Variants in MAF observed in about 807,000 individuals in gnomAD.
MAF encodes transcription factor Maf.
In MAF, 10 loss-of-function variants were observed where a neutral mutation model predicts 22.0. That is an observed-to-expected ratio of 0.45 (90% CI 0.28 to 0.77). The LOEUF (loss-of-function observed/expected upper bound fraction) is 0.77. Ranked by LOEUF, MAF falls within the 30% of genes least tolerant of loss-of-function variation. The pLI, the probability that MAF is intolerant of heterozygous loss-of-function variation, is 0.12. For synonymous variants in MAF, 337 were observed against 255.8 expected, an observed-to-expected ratio of 1.32 and a Z score of -3.03; for missense variants, 544 against 548.4, an observed-to-expected ratio of 0.99 and a Z score of 0.08.
the MAF span, among the ~76,000 whole-genome samples, chr16:79,340,047 G>A: frequency 3.3e-5 from 5 of 152,198 alleles, no homozygotes; most frequent in Admixed American, 6.5e-5. Context: ...TGGAAATCCA[G>A]TCTGTGTCAC....
chr16:79,216,246 C>G, the MAF span, among the ~76,000 whole-genome samples: 1 of 152,080 alleles, frequency 6.6e-6, no homozygotes, highest in African/African-American at 2.4e-5. Context: ...TGTATATGTA[C>G]ATGTATGCAT....
the MAF span, among the ~76,000 whole-genome samples, chr16:79,341,111 G>C: frequency 1.3e-5 from 2 of 152,216 alleles, no homozygotes; most frequent in South Asian, 2.1e-4. Flanking sequence ...GCAGAGTGTA[G>C]GGGCAGGTGT....
the MAF span, among the ~76,000 whole-genome samples, chr16:79,358,531 G>T: frequency 6.6e-6 from 1 of 152,198 alleles, no homozygotes; most frequent in Admixed American, 6.5e-5. Context: ...GGGCAGGGTA[G>T]ATAGAGGAGC....
the MAF span, among the ~76,000 whole-genome samples, chr16:79,531,115 T>C: frequency 5.3e-4 from 81 of 152,364 alleles, no homozygotes; most frequent in Middle Eastern, 3.4e-3. Context: ...ACTTTCTAGA[T>C]GAAAATCAGG....
At chr16:79,219,747 T>A in the MAF span, among the ~76,000 whole-genome samples, 1 of 152,088 alleles carries the variant, frequency 6.6e-6, no homozygotes, top group African/African-American at 2.4e-5. Context: ...GTCTGTGATC[T>A]CCTGTACCTC....
At chr16:79,493,427 A>G in the MAF span, among the ~76,000 whole-genome samples, 1 of 151,614 alleles carries the variant, frequency 6.6e-6, no homozygotes, top group Non-Finnish European at 1.5e-5. Context: ...TGATCCACCC[A>G]CCTCAGCATC....
the MAF span, among the ~76,000 whole-genome samples, chr16:79,358,695 C>T: frequency 1.4e-4 from 21 of 152,182 alleles, no homozygotes; most frequent in African/African-American, 4.8e-4. Flanking sequence ...CATGAAGTGC[C>T]GGCTGCTGAG....
the MAF span, among the ~76,000 whole-genome samples, chr16:79,462,157 G>A: frequency 6.6e-6 from 1 of 152,180 alleles, no homozygotes; most frequent in Non-Finnish European, 1.5e-5. Flanking sequence ...AAGTGATACC[G>A]ATAATAATGG....
chr16:79,596,070 C>G, intron 1 of MAF: 1 of 1,062,018 alleles, frequency 9.4e-7, no homozygotes, highest in East Asian at 5.1e-5. Context: ...TTTCTCTTTA[C>G]CGTTCAATGC....
chr16:79,259,867 G>A, the MAF span, among the ~76,000 whole-genome samples: 18 of 152,064 alleles, frequency 1.2e-4, no homozygotes, highest in African/African-American at 3.6e-4. Context: ...GTGGGAAGGG[G>A]GAGTTAGGGA....
chr16:79,395,479 G>C, the MAF span, among the ~76,000 whole-genome samples: 1 of 152,152 alleles, frequency 6.6e-6, no homozygotes, highest in African/African-American at 2.4e-5. Context: ...AATGGAGGAG[G>C]GTGGGTCCTA....
the MAF span, among the ~76,000 whole-genome samples, chr16:79,499,139 T>A: frequency 6.6e-6 from 1 of 152,216 alleles, no homozygotes; most frequent in African/African-American, 2.4e-5. Context: ...GTATTAGTCA[T>A]CTTTGCTGCA....
chr16:79,370,107 C>G, the MAF span, among the ~76,000 whole-genome samples: 1 of 152,118 alleles, frequency 6.6e-6, no homozygotes, highest in Admixed American at 6.5e-5. Flanking sequence ...ATGTTTCTCT[C>G]CTCTAAAAGT....
At chr16:79,240,633 C>T in the MAF span, among the ~76,000 whole-genome samples, 10,493 of 150,528 alleles carry the variant, frequency 0.07, 555 homozygotes, top group Middle Eastern at 0.15. Flanking sequence ...CAGACTTAAA[C>T]GACCTGGCCT....
the MAF span, among the ~76,000 whole-genome samples, chr16:79,567,056 A>T: frequency 6.6e-6 from 1 of 152,256 alleles, no homozygotes. Flanking sequence ...ATGGTGGCTC[A>T]CGCCTGTAAT....
At chr16:79,384,005 G>A in the MAF span, among the ~76,000 whole-genome samples, 2 of 152,216 alleles carry the variant, frequency 1.3e-5, no homozygotes, top group Non-Finnish European at 2.9e-5. Flanking sequence ...GCATAAGACA[G>A]CAACCAGGTG....
chr16:79,254,186 A>G, the MAF span, among the ~76,000 whole-genome samples: 1 of 152,312 alleles, frequency 6.6e-6, no homozygotes, highest in East Asian at 1.9e-4. Context: ...ATTATTATTC[A>G]ACATTTTCGA....
the MAF span, among the ~76,000 whole-genome samples, chr16:79,554,130 A>C: frequency 0.26 from 21,023 of 79,732 alleles, 1,573 homozygotes; most frequent in Admixed American, 0.37. Flanking sequence ...AACAAACAAA[A>C]CCACCAAACC....
chr16:79,515,255 T>C, the MAF span, among the ~76,000 whole-genome samples: 1 of 152,210 alleles, frequency 6.6e-6, no homozygotes, highest in African/African-American at 2.4e-5. Flanking sequence ...CTGATAATTG[T>C]CTATGCTGGC....
Sources: allele counts gnomAD v4.1 joint callset (sites outside exome capture counted in the v4.1 genomes callset), GRCh38; gene constraint gnomAD v4.1.1; transcripts MANE v1.5; gene names NCBI Gene and HGNC (gene_info 2026-07-23, HGNC 2026-07-21).